Variants in WIPF2 observed in about 807,000 individuals in gnomAD.
WIPF2 encodes the protein WAS/WASL interacting protein family member 2.
A neutral mutation model predicts 38.8 loss-of-function variants in WIPF2; 23 were observed. The ratio of observed to expected loss-of-function variants is 0.59; its 90% confidence interval spans 0.43 to 0.84. The LOEUF (loss-of-function observed/expected upper bound fraction) is 0.84. WIPF2 is among the 40% of genes least tolerant of loss of function. The pLI, the probability that WIPF2 is intolerant of heterozygous loss-of-function variation, is 0.00. For synonymous variants in WIPF2, 210 were observed against 223.2 expected, an observed-to-expected ratio of 0.94 and a Z score of 0.53; for missense variants, 574 against 580.5, an observed-to-expected ratio of 0.99 and a Z score of 0.11.
chr17:40,255,135 G>A (rs1023901960), intron 1 of WIPF2, among the ~76,000 whole-genome samples: 4 of 152,060 alleles, frequency 2.6e-5, no homozygotes, highest in African/African-American at 9.7e-5. Context: ...TTAAAGGACT[G>A]TTATCCAGAA....
chr17:40,273,022 G>A (rs1232129639), intron 5 of WIPF2, among the ~76,000 whole-genome samples: 2 of 152,052 alleles, frequency 1.3e-5, no homozygotes, highest in Admixed American at 1.3e-4. Context: ...AAGGCTTTGA[G>A]ACTTTATTTT....
At chr17:40,251,646 G>A (rs1567716985) in intron 1 of WIPF2, among the ~76,000 whole-genome samples, 1 of 152,144 alleles carries the variant, frequency 6.6e-6, no homozygotes, top group Non-Finnish European at 1.5e-5. Flanking sequence ...ATAGTGATTA[G>A]TGAAAAGGAA....
intron 1 of WIPF2, among the ~76,000 whole-genome samples, chr17:40,245,382 G>A (rs1040697533): frequency 6.7e-6 from 1 of 149,956 alleles, no homozygotes; most frequent in Non-Finnish European, 1.5e-5. Context: ...CCGTTCTGTC[G>A]CCCAGGCTGG....
At chr17:40,240,682 C>T (rs1421070241) in intron 1 of WIPF2, among the ~76,000 whole-genome samples, 2 of 151,952 alleles carry the variant, frequency 1.3e-5, no homozygotes, top group African/African-American at 2.4e-5. Context: ...CGGTATCTCA[C>T]GCCTGTAATC....
intron 1 of WIPF2, among the ~76,000 whole-genome samples, chr17:40,233,936 G>A (rs1178327347): frequency 2.0e-5 from 3 of 152,176 alleles, no homozygotes; most frequent in East Asian, 3.8e-4. Context: ...GGTGGTGCAT[G>A]CCTGTAATCT....
At chr17:40,226,802 C>T (rs1439179483) in intron 1 of WIPF2, among the ~76,000 whole-genome samples, 1 of 152,154 alleles carries the variant, frequency 6.6e-6, no homozygotes, top group Non-Finnish European at 1.5e-5. Flanking sequence ...AGTGCAATGG[C>T]ACAATCTCGG....
At chr17:40,221,264 C>T (rs778961624) in intron 1 of WIPF2, among the ~76,000 whole-genome samples, 21 of 152,110 alleles carry the variant, frequency 1.4e-4, no homozygotes, top group Admixed American at 3.9e-4. Flanking sequence ...GGAATAAGGA[C>T]AGTTTTAGCC....
At chr17:40,252,335 C>G (rs2031585089) in intron 1 of WIPF2, among the ~76,000 whole-genome samples, 1 of 152,076 alleles carries the variant, frequency 6.6e-6, no homozygotes. Flanking sequence ...TCTAGGAGAT[C>G]CTTTCAATTA....
chr17:40,271,367 C>T (rs1378121894), intron 5 of WIPF2, among the ~76,000 whole-genome samples: 2 of 152,172 alleles, frequency 1.3e-5, no homozygotes, highest in Non-Finnish European at 1.5e-5. Context: ...TATTGGGCCA[C>T]GTGCTGTGGC....
chr17:40,249,828 C>T (rs2031492569), intron 1 of WIPF2, among the ~76,000 whole-genome samples: 1 of 151,556 alleles, frequency 6.6e-6, no homozygotes, highest in Admixed American at 6.6e-5. Flanking sequence ...AATTTGACAT[C>T]AGGAAGATTT....
chr17:40,276,357 A>G (rs773368432), intron 6 of WIPF2, among the ~76,000 whole-genome samples: 11 of 151,220 alleles, frequency 7.3e-5, no homozygotes, highest in Non-Finnish European at 1.3e-4. Context: ...GTGAAACCCT[A>G]TCTCTACTAA....
At chr17:40,273,562 A>G in intron 5 of WIPF2, 1 of 499,220 alleles carries the variant, frequency 2.0e-6, no homozygotes, top group Non-Finnish European at 3.5e-6. Context: ...AAAATCAAGA[A>G]CAGATAGGGT....
chr17:40,234,687 A>G (rs755668688), intron 1 of WIPF2, among the ~76,000 whole-genome samples: 7 of 152,146 alleles, frequency 4.6e-5, no homozygotes, highest in Non-Finnish European at 7.3e-5. Context: ...TTACAAGACC[A>G]TTGGAAGGCT....
intron 1 of WIPF2, among the ~76,000 whole-genome samples, chr17:40,249,815 A>T (rs2031492212): frequency 6.6e-6 from 1 of 151,700 alleles, no homozygotes; most frequent in Admixed American, 6.6e-5. Flanking sequence ...GAATTCTGTG[A>T]TGAATTTGAC....
chr17:40,272,784 G>C (rs1014447701), intron 5 of WIPF2, among the ~76,000 whole-genome samples: 6 of 152,152 alleles, frequency 3.9e-5, no homozygotes, highest in Non-Finnish European at 8.8e-5. Flanking sequence ...TGTACATTTG[G>C]CTGAACTTGG....
intron 1 of WIPF2, among the ~76,000 whole-genome samples, chr17:40,224,552 G>A (rs1451205005): frequency 6.6e-6 from 1 of 151,634 alleles, no homozygotes; most frequent in Non-Finnish European, 1.5e-5. Context: ...GGCCCAGCCT[G>A]CTTCTTTAAC....
At chr17:40,273,545 C>T (rs955071535) in intron 5 of WIPF2, 2 of 474,200 alleles carry the variant, frequency 4.2e-6, no homozygotes, top group Non-Finnish European at 3.7e-6. Flanking sequence ...CATGGAAAAG[C>T]AGGAAAAAAA....
chr17:40,240,248 A>G (rs1279248664), intron 1 of WIPF2, among the ~76,000 whole-genome samples: 1 of 151,870 alleles, frequency 6.6e-6, no homozygotes, highest in Non-Finnish European at 1.5e-5. Context: ...TATGTTTAGT[A>G]GAGACGGGGT....
In WIPF2 at chr17:40,273,826, C is replaced by T. The variant is rs2032310722; in HGVS notation, c.1007C>T (p.Ala336Val). 1.2e-6 allele frequency: 2 copies of T among 1,606,504 alleles called. No individual in the cohort carries two copies. The highest frequency in any genetic ancestry group is 2.2e-5 in the South Asian group (2 of 90,814). ...PPPPPVIRNG[A>V]RDAPPPPPPY... is the part of the protein sequence containing the mutation. ...CCACCACCTGTGATCCGAAATGGTGCCAGGGATGCTCCCCCTCCCCCACCA... is the reference window on the plus strand; with the variant it reads ...CCACCACCTGTGATCCGAAATGGTGTCAGGGATGCTCCCCCTCCCCCACCA... Residue 336 changes from alanine to valine, a missense_variant, in exon 6 of 8, where the codon GCC becomes GTC. Transcript: ENST00000323571.
Sources: allele counts gnomAD v4.1 joint callset (sites outside exome capture counted in the v4.1 genomes callset), GRCh38; gene constraint gnomAD v4.1.1; transcripts MANE v1.5; gene names NCBI Gene and HGNC (gene_info 2026-07-23, HGNC 2026-07-21).